NCAM2: variants seen among roughly 807,000 people sequenced by gnomAD.
The protein encoded by NCAM2 is N-CAM-2.
Under a neutral mutation model 98.1 loss-of-function variants are expected in NCAM2, and 30 were observed. The ratio of observed to expected loss-of-function variants is 0.31; its 90% confidence interval spans 0.23 to 0.41. The LOEUF (loss-of-function observed/expected upper bound fraction) is 0.41. Ranked by LOEUF, NCAM2 falls within the 10% of genes least tolerant of loss-of-function variation. NCAM2 has a pLI of 1.00. For missense variants in NCAM2, 867 were observed against 1,005.8 expected, an observed-to-expected ratio of 0.86 and a Z score of 1.87; for synonymous variants, 368 against 342.4, an observed-to-expected ratio of 1.07 and a Z score of -0.83.
intron 1 of NCAM2, among the ~76,000 whole-genome samples, chr21:21,158,605 GC>G (rs2067685004): frequency 4.3e-5 from 2 of 46,680 alleles, no homozygotes; most frequent in Admixed American, 3.2e-4. Flanking sequence ...CACCGTCCCC[GC>G]CCCCGCAAAA....
intron 6 of NCAM2, among the ~76,000 whole-genome samples, chr21:21,326,041 C>G (rs1041102611): frequency 6.6e-6 from 1 of 152,092 alleles, no homozygotes; most frequent in African/African-American, 2.4e-5. Context: ...AAAATGTAAA[C>G]TGTTCTGTGT....
At chr21:21,322,681 AC>A (rs2074407547) in intron 5 of NCAM2, among the ~76,000 whole-genome samples, 1 of 152,180 alleles carries the variant, frequency 6.6e-6, no homozygotes, top group South Asian at 2.1e-4. Flanking sequence ...GTTAATCTGA[AC>A]CAAACAAGCT....
chr21:21,446,267 A>T (rs1372396084), intron 12 of NCAM2, among the ~76,000 whole-genome samples: 1 of 151,452 alleles, frequency 6.6e-6, no homozygotes, highest in East Asian at 1.9e-4. Context: ...CATTTTTTTT[A>T]ATTTTATTTC....
At chr21:21,149,722 T>A (rs890971910) in intron 1 of NCAM2, among the ~76,000 whole-genome samples, 1 of 152,192 alleles carries the variant, frequency 6.6e-6, no homozygotes, top group Non-Finnish European at 1.5e-5. Flanking sequence ...GCTTCATCCA[T>A]GTCCTTACAA....
chr21:21,301,465 A>G (rs1415525671), intron 5 of NCAM2, among the ~76,000 whole-genome samples: 1 of 144,364 alleles, frequency 6.9e-6, no homozygotes, highest in African/African-American at 2.6e-5. Context: ...TACATGTGCC[A>G]TGCTGGTGCG....
At chr21:21,319,971 T>C (rs1043467074) in intron 5 of NCAM2, among the ~76,000 whole-genome samples, 2 of 152,212 alleles carry the variant, frequency 1.3e-5, no homozygotes, top group Non-Finnish European at 1.5e-5. Flanking sequence ...GAACCTTTTT[T>C]TGATTTTTCT....
intron 1 of NCAM2, among the ~76,000 whole-genome samples, chr21:21,210,967 AAC>A (rs71195310): frequency 0.017 from 2,210 of 127,256 alleles, 40 homozygotes; most frequent in African/African-American, 0.057. Flanking sequence ...ACTCTCCCCA[AAC>A]ACACACACAC....
At chr21:21,378,313 C>T (rs1330743267) in intron 9 of NCAM2, among the ~76,000 whole-genome samples, 1 of 151,898 alleles carries the variant, frequency 6.6e-6, no homozygotes, top group African/African-American at 2.4e-5. Context: ...ACAAGTGTTC[C>T]TTTTTATCTA....
chr21:21,201,515 G>C (rs538616926), intron 1 of NCAM2, among the ~76,000 whole-genome samples: 1 of 152,174 alleles, frequency 6.6e-6, no homozygotes, highest in Non-Finnish European at 1.5e-5. Flanking sequence ...ATAGTGATAT[G>C]TTTGTGTAGT....
chr21:21,142,377 G>GTTT (rs10686568), intron 1 of NCAM2, among the ~76,000 whole-genome samples: 9,318 of 107,118 alleles, frequency 0.087, 1,599 homozygotes, highest in African/African-American at 0.2. Flanking sequence ...TTTTTTTTAT[G>GTTT]TTTTTTTTTT....
intron 1 of NCAM2, chr21:21,147,157 G>T (rs1601495493): frequency 1.0e-6 from 1 of 955,464 alleles, no homozygotes; most frequent in East Asian, 1.3e-4. Context: ...CTCGCGCCCT[G>T]TCCCACACCG....
In NCAM2 at chr21:21,038,646, C is replaced by T. The variant is rs188371980; in HGVS notation, c.55+40028C>T. 2.6e-5 allele frequency among the ~76,000 whole-genome samples: 4 copies of T among 152,292 alleles called. No homozygotes were observed. The East Asian group carries it at 7.7e-4, about 29-fold the overall frequency. On this transcript the variant is annotated intron_variant, in intron 1 of 17. Coordinates refer to ENST00000400546, the MANE Select transcript of NCAM2 (RefSeq NM_004540.5). ...TCCTTCCACCAAGGTTATAAGCTTC[C>T]TAAGGCCTCCCCAGCCCTGCGGAAC...
At chr21:21,368,855 T>C (rs1211376104) in intron 8 of NCAM2, among the ~76,000 whole-genome samples, 1 of 151,862 alleles carries the variant, frequency 6.6e-6, no homozygotes, top group South Asian at 2.1e-4. Context: ...AGTGATCTTT[T>C]TAAATCACAA....
chr21:21,414,930 C>T (rs962551216), intron 10 of NCAM2, among the ~76,000 whole-genome samples: 1 of 145,920 alleles, frequency 6.9e-6, no homozygotes, highest in Admixed American at 7.1e-5. Flanking sequence ...TCAATGAGCA[C>T]GACTAGTTTG....
At chr21:21,518,643 T>C (rs948602123) in intron 16 of NCAM2, among the ~76,000 whole-genome samples, 3 of 151,314 alleles carry the variant, frequency 2.0e-5, no homozygotes, top group Non-Finnish European at 4.4e-5. Context: ...ACATATACTA[T>C]ATATTATGCT....
chr21:21,206,427 C>T (rs182688081), intron 1 of NCAM2, among the ~76,000 whole-genome samples: 2 of 152,206 alleles, frequency 1.3e-5, no homozygotes, highest in East Asian at 3.9e-4. Context: ...AATTGATTCA[C>T]CTAATTATTC....
At chr21:21,012,365 C>G (rs2064227508) in intron 1 of NCAM2, among the ~76,000 whole-genome samples, 1 of 151,912 alleles carries the variant, frequency 6.6e-6, no homozygotes, top group Non-Finnish European at 1.5e-5. Context: ...CTACAATGAT[C>G]AATAATTTAG....
chr21:21,499,942 T>G (rs933211487), intron 15 of NCAM2, among the ~76,000 whole-genome samples: 2 of 152,132 alleles, frequency 1.3e-5, no homozygotes, highest in Non-Finnish European at 2.9e-5. Flanking sequence ...TCCAAGTGCA[T>G]TTATATCAAC....
Position 21,542,281 on chromosome 21 carries a change from C to A in NCAM2, c.*4324C>A, listed in dbSNP as rs878869285. On this transcript the variant is annotated 3_prime_UTR_variant, in exon 18 of 18. Transcript: ENST00000400546. ...AGCTATTTACAATTATACAAGAATGCGAATAGATTAATTATATCTTCTCAT... is the reference window on the plus strand; with the variant it reads ...AGCTATTTACAATTATACAAGAATGAGAATAGATTAATTATATCTTCTCAT... 1.3e-5 allele frequency: 2 copies of A among 151,188 alleles called. No homozygotes were observed. Among genetic ancestry groups the A allele is most frequent in the East Asian group, 3.9e-4 (2 of 5,166 alleles). 9.4% of individuals were successfully genotyped at this position (151,188 alleles called of 1,614,324 possible).
Sources: gnomAD v4.1 joint callset for allele counts (sites outside exome capture counted in the v4.1 genomes callset) on GRCh38, gnomAD v4.1.1 for gene constraint, MANE v1.5 for transcripts, NCBI Gene and HGNC (gene_info 2026-07-23, HGNC 2026-07-21) for gene names.